The following CACNA1C variants were observed in gnomAD, a reference collection of about 807,000 sequenced individuals.
The protein encoded by CACNA1C is voltage-dependent L-type calcium channel subunit alpha-1C.
In CACNA1C, 30 loss-of-function variants were observed where a neutral mutation model predicts 229.0. That is an observed-to-expected ratio of 0.13 (90% CI 0.10 to 0.18). The LOEUF (loss-of-function observed/expected upper bound fraction) is 0.18, where lower values mean the gene tolerates loss of function less well. Among genes scored for constraint, CACNA1C ranks in the 10% least tolerant of loss-of-function variants. The probability of loss-of-function intolerance (pLI) is 1.00; values close to 1 mark genes in which losing one functional copy is unlikely to be tolerated. For synonymous variants in CACNA1C, 1,114 were observed against 1,132.5 expected (o/e 0.98, Z 0.33); for missense variants, 1,658 against 2,845.0 (o/e 0.58, Z 9.49).
chr12:2,482,654 C>T (rs2099680901), intron 5 of CACNA1C, among the ~76,000 whole-genome samples: 1 of 152,170 alleles, frequency 6.6e-6, no homozygotes, highest in Non-Finnish European at 1.5e-5. Flanking sequence ...GACAGAATCC[C>T]CAGTCAGGCA....
chr12:2,390,237 A>G (rs1486035221), intron 3 of CACNA1C, among the ~76,000 whole-genome samples: 1 of 152,162 alleles, frequency 6.6e-6, no homozygotes, highest in East Asian at 1.9e-4. Flanking sequence ...CCCTGACCAA[A>G]CAGGACTTGG....
intron 3 of CACNA1C, among the ~76,000 whole-genome samples, chr12:2,167,851 T>G (rs1460728054): frequency 6.6e-6 from 1 of 152,182 alleles, no homozygotes; most frequent in African/African-American, 2.4e-5. Context: ...AGCAAAAAAC[T>G]GTGAAACCCA....
intron 3 of CACNA1C, among the ~76,000 whole-genome samples, chr12:2,143,669 A>G (rs1807132287): frequency 6.6e-6 from 1 of 151,176 alleles, no homozygotes; most frequent in African/African-American, 2.4e-5. Context: ...ATGTTCACAC[A>G]ACAACAAAAT....
At chr12:2,093,676 G>A (rs2072472253) in intron 1 of CACNA1C, among the ~76,000 whole-genome samples, 1 of 152,208 alleles carries the variant, frequency 6.6e-6, no homozygotes, top group Non-Finnish European at 1.5e-5. Flanking sequence ...TTACACAACT[G>A]TATGATCATG....
chr12:2,221,926 C>G (rs545520653), intron 3 of CACNA1C, among the ~76,000 whole-genome samples: 2 of 152,214 alleles, frequency 1.3e-5, no homozygotes, highest in African/African-American at 4.8e-5. Flanking sequence ...GCTAAATGAA[C>G]AAACATAGAA....
intron 3 of CACNA1C, among the ~76,000 whole-genome samples, chr12:2,302,462 T>C (rs536789103): frequency 3.9e-5 from 6 of 151,996 alleles, no homozygotes; most frequent in Middle Eastern, 3.2e-3. Context: ...ATACTGCCCA[T>C]CTTCTTCCAA....
intron 19 of CACNA1C, among the ~76,000 whole-genome samples, chr12:2,593,791 GT>G: frequency 6.6e-6 from 1 of 152,280 alleles, no homozygotes; most frequent in South Asian, 2.1e-4. Flanking sequence ...GATACTGTGT[GT>G]TTGGATATAT....
intron 3 of CACNA1C, among the ~76,000 whole-genome samples, chr12:2,162,778 G>C (rs1476228914): frequency 6.6e-6 from 1 of 152,152 alleles, no homozygotes; most frequent in Admixed American, 6.5e-5. Context: ...GCCGTTTCCA[G>C]ATTGACATCC....
At chr12:2,238,703 G>A (rs1310437339) in intron 3 of CACNA1C, among the ~76,000 whole-genome samples, 1 of 152,172 alleles carries the variant, frequency 6.6e-6, no homozygotes, top group African/African-American at 2.4e-5. Flanking sequence ...AGAGTGTCCT[G>A]GAAAGGTGTT....
intron 5 of CACNA1C, among the ~76,000 whole-genome samples, chr12:2,468,104 G>A (rs1014561423): frequency 3.3e-5 from 5 of 152,202 alleles, no homozygotes; most frequent in African/African-American, 1.2e-4. Context: ...ACACTCACAG[G>A]TTCCCGCCTC....
chr12:2,055,576 G>A (rs1452992200), intron 1 of CACNA1C, among the ~76,000 whole-genome samples: 1 of 152,172 alleles, frequency 6.6e-6, no homozygotes, highest in Non-Finnish European at 1.5e-5. Context: ...GCTGGGAGCA[G>A]ACATTAAAAG....
intron 3 of CACNA1C, among the ~76,000 whole-genome samples, chr12:2,272,677 C>T (rs749603266): frequency 6.6e-5 from 10 of 152,198 alleles, no homozygotes; most frequent in Non-Finnish European, 1.2e-4. Context: ...TTGTTCTTCT[C>T]ACCCCATCAG....
At chr12:2,356,855 G>T (rs991704943) in intron 3 of CACNA1C, among the ~76,000 whole-genome samples, 1 of 152,108 alleles carries the variant, frequency 6.6e-6, no homozygotes, top group Non-Finnish European at 1.5e-5. Flanking sequence ...AGATGAGGCC[G>T]CTGGGGCACA....
In CACNA1C at chr12:2,316,524, A is replaced by G. The variant is rs113953432; in HGVS notation, c.478-132452A>G. 5.0e-3 allele frequency among the ~76,000 whole-genome samples: 755 copies of G among 152,302 alleles called. 9 individuals carry two copies. The highest frequency in any genetic ancestry group is 0.017 in the African/African-American group (716 of 41,574). ...TGAAGCTGACACATAGTGCTCAGTT[A>G]GTTACTTGAGACTTTGCTTTAGCTG... On this transcript the variant is annotated intron_variant, in intron 3 of 46. Coordinates refer to ENST00000399655, the MANE Select transcript of CACNA1C (RefSeq NM_000719.7).
intron 3 of CACNA1C, among the ~76,000 whole-genome samples, chr12:2,278,900 G>A (rs1286100624): frequency 6.6e-6 from 1 of 152,188 alleles, no homozygotes; most frequent in East Asian, 1.9e-4. Flanking sequence ...ACCTGGTGTG[G>A]TCAGTATTTT....
At chr12:2,314,062 C>G (rs950929509) in intron 3 of CACNA1C, among the ~76,000 whole-genome samples, 1 of 152,196 alleles carries the variant, frequency 6.6e-6, no homozygotes, top group Non-Finnish European at 1.5e-5. Flanking sequence ...TATCCTCCCC[C>G]CCACTTCTTA....
At chr12:2,247,085 C>A (rs2073656305) in intron 3 of CACNA1C, among the ~76,000 whole-genome samples, 1 of 152,214 alleles carries the variant, frequency 6.6e-6, no homozygotes. Flanking sequence ...CCTTTGACTC[C>A]TGCAAATCTG....
intron 3 of CACNA1C, among the ~76,000 whole-genome samples, chr12:2,178,712 C>T (rs925563791): frequency 2.6e-5 from 4 of 152,164 alleles, no homozygotes; most frequent in African/African-American, 7.2e-5. Context: ...AGATTATTAA[C>T]AGGACCCGTG....
chr12:2,598,858 G>A (rs556231141), intron 21 of CACNA1C, among the ~76,000 whole-genome samples: 1 of 152,324 alleles, frequency 6.6e-6, no homozygotes, highest in South Asian at 2.1e-4. Flanking sequence ...CAAGTATGTG[G>A]CTCAGATTTT....
Sources: gnomAD v4.1 joint callset for allele counts (sites outside exome capture counted in the v4.1 genomes callset) on GRCh38, gnomAD v4.1.1 for gene constraint, MANE v1.5 for transcripts, NCBI Gene and HGNC (gene_info 2026-07-23, HGNC 2026-07-21) for gene names.